The following AGMO variants were observed in gnomAD, a reference collection of about 807,000 sequenced individuals.
AGMO encodes alkylglycerol monooxygenase.
A neutral mutation model predicts 60.2 loss-of-function variants in AGMO; 75 were observed. That is an observed-to-expected ratio of 1.25 (90% CI 1.03 to 1.51). The LOEUF (loss-of-function observed/expected upper bound fraction) is 1.51, where lower values mean the gene tolerates loss of function less well. Ranked by LOEUF, AGMO falls within the 40% of genes most tolerant of loss-of-function variation. The probability of loss-of-function intolerance (pLI) is 0.00; values close to 1 mark genes in which losing one functional copy is unlikely to be tolerated. For synonymous variants in AGMO, 261 were observed against 177.1 expected (o/e 1.47, Z -3.76); for missense variants, 763 against 525.5 (o/e 1.45, Z -4.42).
At chr7:15,312,480 C>T (rs1425073055) in intron 12 of AGMO, among the ~76,000 whole-genome samples, 1 of 119,140 alleles carries the variant, frequency 8.4e-6, no homozygotes, top group African/African-American at 3.2e-5. Context: ...TCAAATGTAT[C>T]TTTAGTGTGC....
intron 12 of AGMO, among the ~76,000 whole-genome samples, chr7:15,233,157 G>C (rs1161447829): frequency 6.6e-6 from 1 of 152,134 alleles, no homozygotes; most frequent in Admixed American, 6.5e-5. Context: ...GAAGGAGAAA[G>C]GGAATTAGTA....
intron 12 of AGMO, among the ~76,000 whole-genome samples, chr7:15,262,714 T>C (rs1783310139): frequency 6.6e-6 from 1 of 151,044 alleles, no homozygotes; most frequent in Admixed American, 6.6e-5. Context: ...TGTTATACTA[T>C]AAGGCCCATA....
At chr7:15,144,956 A>G in the AGMO span, among the ~76,000 whole-genome samples, 1,089 of 152,270 alleles carry the variant, frequency 7.2e-3, 7 homozygotes, top group African/African-American at 0.023. Flanking sequence ...CAGCCTCCCG[A>G]GTAGCTGGGA....
intron 5 of AGMO, among the ~76,000 whole-genome samples, chr7:15,414,475 T>TACACAC (rs112635860): frequency 2.1e-4 from 31 of 146,498 alleles, no homozygotes; most frequent in Non-Finnish European, 3.0e-4. Flanking sequence ...TAGACACACA[T>TACACAC]ACACACACAC....
At chr7:15,426,670 A>T (rs1054719939) in intron 4 of AGMO, among the ~76,000 whole-genome samples, 1 of 151,958 alleles carries the variant, frequency 6.6e-6, no homozygotes, top group African/African-American at 2.4e-5. Flanking sequence ...AATCGCTTGA[A>T]CCCAGGAGGT....
intron 3 of AGMO, among the ~76,000 whole-genome samples, chr7:15,467,890 A>C (rs978928642): frequency 6.6e-6 from 1 of 152,042 alleles, no homozygotes; most frequent in Non-Finnish European, 1.5e-5. Context: ...TCAATATAGT[A>C]CGGCTCTGAA....
the AGMO span, among the ~76,000 whole-genome samples, chr7:15,144,415 G>A: frequency 6.4e-4 from 98 of 152,200 alleles, 2 homozygotes; most frequent in South Asian, 0.02. Context: ...TTAAAAAATA[G>A]TAATTAAATA....
intron 3 of AGMO, among the ~76,000 whole-genome samples, chr7:15,544,422 G>T (rs919621249): frequency 6.6e-6 from 1 of 152,040 alleles, no homozygotes; most frequent in African/African-American, 2.4e-5. Flanking sequence ...CCAAATGTTA[G>T]GACCTTGTTT....
Position 15,544,939 on chromosome 7 carries a change from C to A in AGMO, c.258-16G>T. ...GAAAAATAGACTGGAAGATAAAATT[C>A]ACAATCAGTGATTATATAACATTTT... On this transcript the variant is annotated splice_polypyrimidine_tract_variant and intron_variant, in intron 2 of 12. Transcript: ENST00000342526. The A allele has an allele frequency of 6.7e-7, 1 of 1,483,942 alleles. No homozygotes were observed. Among genetic ancestry groups the A allele is most frequent in the Non-Finnish European group, 9.0e-7 (1 of 1,107,912 alleles). The allele number at this position is 1,483,942 out of a possible 1,614,324, so 91.9% of individuals were successfully genotyped here. A position where few individuals can be genotyped will look rare whatever the true frequency, so the allele number is the denominator to read the frequency against.
chr7:15,208,796 A>G (rs577579903), intron 12 of AGMO, among the ~76,000 whole-genome samples: 4 of 152,330 alleles, frequency 2.6e-5, no homozygotes, highest in Non-Finnish European at 5.9e-5. Context: ...TACGCCTAAC[A>G]TTGGCACAAA....
chr7:15,532,519 G>T (rs1784394940), intron 3 of AGMO, among the ~76,000 whole-genome samples: 1 of 152,118 alleles, frequency 6.6e-6, no homozygotes, highest in Non-Finnish European at 1.5e-5. Flanking sequence ...TACCTAGTAA[G>T]AACCTAGTAA....
intron 3 of AGMO, among the ~76,000 whole-genome samples, chr7:15,519,839 C>T (rs573295075): frequency 2.0e-5 from 3 of 151,654 alleles, no homozygotes; most frequent in South Asian, 2.1e-4. Flanking sequence ...AACAAATGCC[C>T]CAATTAAAAG....
At chr7:15,234,810 A>C (rs931760454) in intron 12 of AGMO, among the ~76,000 whole-genome samples, 10 of 152,200 alleles carry the variant, frequency 6.6e-5, no homozygotes, top group African/African-American at 2.4e-4. Context: ...ACTGAATATT[A>C]TTCTTCTTTT....
chr7:15,336,065 G>T (rs529093249), intron 12 of AGMO, among the ~76,000 whole-genome samples: 20 of 152,230 alleles, frequency 1.3e-4, no homozygotes, highest in Admixed American at 3.3e-4. Flanking sequence ...CTAACAGGTT[G>T]TCCGCTATGT....
intron 10 of AGMO, among the ~76,000 whole-genome samples, chr7:15,382,016 C>T (rs1013592420): frequency 1.3e-5 from 2 of 151,960 alleles, no homozygotes; most frequent in Admixed American, 1.3e-4. Flanking sequence ...ACACTGGGGT[C>T]TATTGGAGGG....
At chr7:15,246,697 T>A (rs2128504791) in intron 12 of AGMO, among the ~76,000 whole-genome samples, 1 of 152,282 alleles carries the variant, frequency 6.6e-6, no homozygotes, top group Non-Finnish European at 1.5e-5. Flanking sequence ...GCATGTCAAA[T>A]GCCTTCTTTC....
chr7:15,372,933 A>AT (rs1481262944), intron 10 of AGMO, among the ~76,000 whole-genome samples: 1 of 152,172 alleles, frequency 6.6e-6, no homozygotes, highest in African/African-American at 2.4e-5. Flanking sequence ...AAATAGCTTT[A>AT]TGAGGCAATA....
At chr7:15,439,593 T>G (rs1172084027) in intron 3 of AGMO, among the ~76,000 whole-genome samples, 1 of 152,148 alleles carries the variant, frequency 6.6e-6, no homozygotes, top group African/African-American at 2.4e-5. Context: ...ATTTCCATTG[T>G]CCTCTTACAG....
the AGMO span, among the ~76,000 whole-genome samples, chr7:15,128,133 G>A: frequency 1.3e-5 from 2 of 152,148 alleles, no homozygotes; most frequent in South Asian, 4.1e-4. Flanking sequence ...TGCCACCCAA[G>A]TTTGCCTCTT....
Sources: gnomAD v4.1 joint callset for allele counts (sites outside exome capture counted in the v4.1 genomes callset) on GRCh38, gnomAD v4.1.1 for gene constraint, MANE v1.5 for transcripts, NCBI Gene and HGNC (gene_info 2026-07-23, HGNC 2026-07-21) for gene names.